CMIP: variants seen among roughly 807,000 people sequenced by gnomAD.
CMIP encodes the protein C-Maf-inducing protein.
Under a neutral mutation model 97.3 loss-of-function variants are expected in CMIP, and 13 were observed. That is an observed-to-expected ratio of 0.13 (90% CI 0.09 to 0.21). The LOEUF is 0.21. CMIP is among the 10% of genes least tolerant of loss of function. CMIP has a pLI of 1.00. For synonymous variants in CMIP, 538 were observed against 436.3 expected, an observed-to-expected ratio of 1.23 and a Z score of -2.91; for missense variants, 847 against 1,024.9, an observed-to-expected ratio of 0.83 and a Z score of 2.37.
chr16:81,501,811 C>A (rs983149292), intron 1 of CMIP, among the ~76,000 whole-genome samples: 1 of 152,026 alleles, frequency 6.6e-6, no homozygotes, highest in African/African-American at 2.4e-5. Context: ...GGGATTTCAC[C>A]CTGTTGGCCA....
chr16:81,454,249 CA>C (rs999084894), intron 1 of CMIP, among the ~76,000 whole-genome samples: 1 of 152,212 alleles, frequency 6.6e-6, no homozygotes, highest in African/African-American at 2.4e-5. Context: ...ATTTAATTTT[CA>C]CAACAATCCT....
At chr16:81,693,613 C>A in intron 13 of CMIP, 126 bp downstream of exon 13, 1 of 1,035,702 alleles carries the variant, frequency 9.7e-7, no homozygotes, top group Non-Finnish European at 1.4e-6. Flanking sequence ...AGACCCATTG[C>A]CTGTGTATAA....
In CMIP at chr16:81,532,030, C is replaced by T. The variant is rs74340244; in HGVS notation, c.301-75537C>T. ...CATGGCGCTTCTTCTGGATGTCAGG[C>T]ACTAAGTCGGGCGCTTTATTCTGTA... On this transcript the variant is annotated intron_variant, in intron 1 of 20. Coordinates refer to ENST00000537098, the MANE Select transcript of CMIP (RefSeq NM_198390.3). Among the ~76,000 whole-genome samples the T allele has an allele frequency of 5.3e-3, 803 of 152,312 alleles. 5 individuals are homozygous for T. Among genetic ancestry groups the T allele is most frequent in the African/African-American group, 0.018 (762 of 41,560 alleles).
intron 1 of CMIP, among the ~76,000 whole-genome samples, chr16:81,446,161 G>A (rs1012948887): frequency 4.0e-5 from 6 of 151,750 alleles, no homozygotes; most frequent in Non-Finnish European, 8.8e-5. Flanking sequence ...AGGGGGCAGT[G>A]GTCCTGGAAT....
intron 10 of CMIP, among the ~76,000 whole-genome samples, chr16:81,684,927 G>A (rs1382188428): frequency 2.0e-5 from 3 of 152,246 alleles, no homozygotes; most frequent in Non-Finnish European, 4.4e-5. Flanking sequence ...GTGGCCAGAG[G>A]CATCCCATCC....
Position 81,616,105 on chromosome 16 carries a change from C to G in CMIP, c.427-4771C>G, listed in dbSNP as rs546454538. Among the ~76,000 whole-genome samples, 2 of 152,052 alleles carry G rather than the reference C, an allele frequency of 1.3e-5. No individual in the cohort carries two copies. The highest frequency in any genetic ancestry group is 3.9e-4 in the East Asian group (2 of 5,174). On this transcript the variant is annotated intron_variant, in intron 2 of 20. Coordinates refer to ENST00000537098, the MANE Select transcript of CMIP (RefSeq NM_198390.3). This position sits in a 1 kb window ranked among gnomAD's most constrained non-coding sequence, Gnocchi z 4.7. ...GTTCCGCATCGAGACTGTCCTCAGC[C>G]CGGCATCTCTGTGCCTTGCCTTACA...
At chr16:81,641,917 T>C (rs1379431905) in intron 3 of CMIP, among the ~76,000 whole-genome samples, 1 of 152,216 alleles carries the variant, frequency 6.6e-6, no homozygotes, top group African/African-American at 2.4e-5. Context: ...GAGCTAGACC[T>C]GGATCCCAAT....
chr16:81,671,892 C>T (rs1371922942), intron 8 of CMIP, 74 bp from the exon 9 acceptor site: 5 of 730,780 alleles, frequency 6.8e-6, no homozygotes, highest in Non-Finnish European at 1.2e-5. Context: ...GCAACGCCCT[C>T]CCTTTCCCCC....
rs536001753 is a variant in CMIP at position 81,494,751 on chromosome 16, A to G, written c.300+49210A>G. ...TTCGACTCCTGGATGGACACTGCCC[A>G]GGTGCCCCTGGGTAACTGATACCCT... On this transcript the variant is annotated intron_variant, in intron 1 of 20. Coordinates refer to ENST00000537098, the MANE Select transcript of CMIP (RefSeq NM_198390.3). Among the ~76,000 whole-genome samples, 12 of 152,334 alleles carry G rather than the reference A, an allele frequency of 7.9e-5. 2 individuals carry two copies. Among genetic ancestry groups the G allele is most frequent in the African/African-American group, 2.9e-4 (12 of 41,576 alleles).
At position 81,445,221 on chromosome 16, in the gene CMIP, GC is replaced by G. The variant is rs964389674; in HGVS notation, c.-16del. On this transcript the variant is annotated 5_prime_UTR_variant, in exon 1 of 21. Transcript: ENST00000537098. Reference sequence around the variant, plus strand: ...GGACAGCCCCCTCTCCCCGCCCCCAGCCCCCTCCCCCGGCGCGGCCATGGAT... The same window carrying G: ...GGACAGCCCCCTCTCCCCGCCCCCAGCCCCTCCCCCGGCGCGGCCATGGAT... 64 of 1,083,778 alleles carry G rather than the reference GC, an allele frequency of 5.9e-5. No homozygotes were observed. The highest frequency in any genetic ancestry group is 7.4e-5 in the Non-Finnish European group (59 of 795,152). The allele number at this position is 1,083,778 out of a possible 1,614,324, so 67.1% of individuals were successfully genotyped here. A position where few individuals can be genotyped will look rare whatever the true frequency, so the allele number is the denominator to read the frequency against.
At chr16:81,643,334 C>T (rs1485850896) in intron 3 of CMIP, among the ~76,000 whole-genome samples, 1 of 152,130 alleles carries the variant, frequency 6.6e-6, no homozygotes, top group African/African-American at 2.4e-5. Flanking sequence ...TAGGGGAATC[C>T]AGGAACAGAA....
rs568455587 is a variant in CMIP at position 81,547,813 on chromosome 16, C to T, written c.301-59754C>T. On this transcript the variant is annotated intron_variant, in intron 1 of 20. Coordinates refer to ENST00000537098, the MANE Select transcript of CMIP (RefSeq NM_198390.3). Reference sequence around the variant, plus strand: ...CAGTGAGGGGGAATTTGGCAGACACCGAAATTGGACACTGGGACCCTTGGC... The same window carrying T: ...CAGTGAGGGGGAATTTGGCAGACACTGAAATTGGACACTGGGACCCTTGGC... Among the ~76,000 whole-genome samples the T allele has an allele frequency of 5.3e-5, 8 of 152,246 alleles. No individual in the cohort carries two copies. In the South Asian group the frequency reaches 8.3e-4, roughly 16 times the overall value.
chr16:81,532,406 T>G (rs1460970842), intron 1 of CMIP, among the ~76,000 whole-genome samples: 1 of 152,212 alleles, frequency 6.6e-6, no homozygotes, highest in Non-Finnish European at 1.5e-5. Flanking sequence ...TTGAAAAATT[T>G]CCTGAATGAC....
intron 1 of CMIP, among the ~76,000 whole-genome samples, chr16:81,540,975 C>T (rs1173987252): frequency 4.7e-5 from 7 of 150,484 alleles, no homozygotes; most frequent in Admixed American, 2.6e-4. Flanking sequence ...CCACTGCACC[C>T]GGCCTTTTTT....
intron 12 of CMIP, 68 bp downstream of exon 12, chr16:81,693,252 C>A (rs929572666): frequency 6.7e-7 from 1 of 1,496,498 alleles, no homozygotes; most frequent in Non-Finnish European, 9.2e-7. Flanking sequence ...GTCTTCCCTC[C>A]GTGGCCCATG....
intron 13 of CMIP, chr16:81,696,230 A>C: frequency 2.4e-6 from 1 of 411,282 alleles, no homozygotes; most frequent in Non-Finnish European, 4.4e-6. Context: ...AAAGGGGCTG[A>C]TTGTGGGCGG....
At chr16:81,603,466 A>G (rs1470774435) in intron 1 of CMIP, 1 of 454,524 alleles carries the variant, frequency 2.2e-6, no homozygotes, top group Admixed American at 2.3e-5. Context: ...GAGTTCTCAC[A>G]CATCCGCAGT....
chr16:81,664,261 G>A lies in CMIP; in HGVS notation c.745-8G>A. 6.3e-7 allele frequency: 1 copy of A among 1,594,258 alleles called. No individual in the cohort carries two copies. The highest frequency in any genetic ancestry group is 8.5e-7 in the Non-Finnish European group (1 of 1,171,024). On this transcript the variant is annotated splice_polypyrimidine_tract_variant and splice_region_variant and intron_variant, in intron 6 of 20. Transcript: ENST00000537098. ...GGCCGCAGTAACTGTACCCCACTCT[G>A]TCCCCAGCACTGCAGAGAGCGGCCC...
chr16:81,449,674 C>T (rs1028077873), intron 1 of CMIP, among the ~76,000 whole-genome samples: 1 of 151,668 alleles, frequency 6.6e-6, no homozygotes, highest in Non-Finnish European at 1.5e-5. Flanking sequence ...AGATTTCCCC[C>T]CCCCCCTTTC....
Sources: allele counts gnomAD v4.1 joint callset (sites outside exome capture counted in the v4.1 genomes callset), GRCh38; gene constraint gnomAD v4.1.1; non-coding constraint Gnocchi (gnomAD v3.1); transcripts MANE v1.5; gene names NCBI Gene and HGNC (gene_info 2026-07-23, HGNC 2026-07-21).